The following SNTB2 variants were observed in gnomAD, a reference collection of about 807,000 sequenced individuals.
SNTB2 encodes the protein syntrophin beta 2.
SNTB2 carries 34 observed loss-of-function variants against 46.2 expected under a neutral mutation model. The observed-to-expected ratio is 0.74, with a 90% CI of 0.56 to 0.98. SNTB2 has a LOEUF of 0.98. Among genes scored for constraint, SNTB2 ranks in the 50% least tolerant of loss-of-function variants. SNTB2 has a pLI of 0.00. For synonymous variants in SNTB2, 290 were observed against 312.6 expected, an observed-to-expected ratio of 0.93 and a Z score of 0.76; for missense variants, 603 against 731.4, an observed-to-expected ratio of 0.82 and a Z score of 2.02.
chr16:69,202,326 T>C (rs1318251981), intron 1 of SNTB2, among the ~76,000 whole-genome samples: 1 of 150,852 alleles, frequency 6.6e-6, no homozygotes, highest in African/African-American at 2.5e-5. Flanking sequence ...ACATACATTC[T>C]TAGTTTATAA....
intron 5 of SNTB2, among the ~76,000 whole-genome samples, chr16:69,290,857 T>G (rs1965153670): frequency 6.6e-6 from 1 of 152,200 alleles, no homozygotes; most frequent in African/African-American, 2.4e-5. Context: ...GGGGCCTTTT[T>G]GGGCTCCAGA....
chr16:69,235,594 G>GA (rs1223875773), intron 1 of SNTB2: 1 of 766,700 alleles, frequency 1.3e-6, no homozygotes, highest in Non-Finnish European at 1.6e-6. Context: ...GGGGAGGGGG[G>GA]AACTAAAAGG....
intron 1 of SNTB2, among the ~76,000 whole-genome samples, chr16:69,192,862 C>G (rs1964068266): frequency 1.3e-5 from 2 of 152,042 alleles, no homozygotes; most frequent in Admixed American, 6.6e-5. Flanking sequence ...AAAATTCAAA[C>G]TTGGCTTTAT....
Position 69,254,290 on chromosome 16 carries a change from C to CA in SNTB2, c.795-5759dup, listed in dbSNP as rs1964752835. Among the ~76,000 whole-genome samples, 4 of 152,246 alleles carry CA rather than the reference C, an allele frequency of 2.6e-5. No individual in the cohort carries two copies. The South Asian group carries it at 8.3e-4, about 32-fold the overall frequency. ...AGAGTAAAGCTGCATGCTTTACTCT[C>CA]ACTTCCAGAGGTAACTGGTACCACC... On this transcript the variant is annotated intron_variant, in intron 2 of 6. Coordinates refer to ENST00000336278, the MANE Select transcript of SNTB2 (RefSeq NM_006750.4).
At chr16:69,210,383 A>G (rs1964270934) in intron 1 of SNTB2, among the ~76,000 whole-genome samples, 1 of 151,644 alleles carries the variant, frequency 6.6e-6, no homozygotes, top group South Asian at 2.1e-4. Context: ...GATTACAGGC[A>G]CGTGCTGCCA....
At chr16:69,289,250 C>T (rs1457472562) in intron 5 of SNTB2, among the ~76,000 whole-genome samples, 7 of 131,050 alleles carry the variant, frequency 5.3e-5, no homozygotes, top group African/African-American at 1.5e-4. Flanking sequence ...GCCTGGGCAA[C>T]GAGAGCTAAA....
Position 69,303,766 on chromosome 16 carries a change from A to C in SNTB2, c.*2842A>C, listed in dbSNP as rs558069183. 2.6e-5 allele frequency: 4 copies of C among 152,784 alleles called. No individual in the cohort carries two copies. Among genetic ancestry groups the C allele is most frequent in the African/African-American group, 9.6e-5 (4 of 41,574 alleles). The allele number at this position is 152,784 out of a possible 1,614,324, so 9.5% of individuals were successfully genotyped here. The stretch of plus-strand genomic sequence containing the variant: ...TCTAATGAATGGGACACCATGATAA[A>C]TATGTATTTATATTTAGATGCCAAA... On this transcript the variant is annotated 3_prime_UTR_variant, in exon 7 of 7. Coordinates refer to ENST00000336278, the MANE Select transcript of SNTB2 (RefSeq NM_006750.4).
chr16:69,293,892 T>C (rs1365277214), intron 5 of SNTB2, among the ~76,000 whole-genome samples: 3 of 152,224 alleles, frequency 2.0e-5, no homozygotes, highest in African/African-American at 7.2e-5. Context: ...ATCTTGGCTG[T>C]TGAAGTGGGC....
chr16:69,284,768 C>T (rs1028302078), intron 5 of SNTB2, among the ~76,000 whole-genome samples: 11 of 151,934 alleles, frequency 7.2e-5, no homozygotes, highest in Non-Finnish European at 1.3e-4. Flanking sequence ...AGTGAGACTC[C>T]GTCTCAAAAA....
chr16:69,254,278 AT>A (rs1964752697), intron 2 of SNTB2, among the ~76,000 whole-genome samples: 1 of 152,142 alleles, frequency 6.6e-6, no homozygotes, highest in Non-Finnish European at 1.5e-5. Flanking sequence ...GTAAAGCTGC[AT>A]GCTTTACTCT....
intron 5 of SNTB2, among the ~76,000 whole-genome samples, chr16:69,297,678 G>A (rs926707004): frequency 4.0e-5 from 6 of 151,316 alleles, no homozygotes; most frequent in Non-Finnish European, 8.8e-5. Context: ...TTGGGAGGCC[G>A]AGGTGGATGG....
At chr16:69,292,384 TATATATTATATA>T (rs1965173288) in intron 5 of SNTB2, among the ~76,000 whole-genome samples, 6 of 20,332 alleles carry the variant, frequency 3.0e-4, no homozygotes, top group Non-Finnish European at 3.9e-4. Flanking sequence ...ATATATTATA[TATATATTATATA>T]TATATATATA....
chr16:69,216,080 T>A (rs1007127976), intron 1 of SNTB2, among the ~76,000 whole-genome samples: 1 of 152,204 alleles, frequency 6.6e-6, no homozygotes, highest in Admixed American at 6.5e-5. Flanking sequence ...CCTCACAAAA[T>A]ACAGGGATTA....
intron 5 of SNTB2, among the ~76,000 whole-genome samples, chr16:69,287,534 C>T (rs1965115849): frequency 1.3e-5 from 2 of 152,046 alleles, no homozygotes. Context: ...TGCGCCACTG[C>T]ACTCCAAGCT....
intron 1 of SNTB2, among the ~76,000 whole-genome samples, chr16:69,212,920 A>C (rs1964303872): frequency 6.6e-6 from 1 of 152,272 alleles, no homozygotes; most frequent in African/African-American, 2.4e-5. Flanking sequence ...GGCGTGAGCC[A>C]CCTTGCCCAG....
chr16:69,204,927 T>C (rs1964198869), intron 1 of SNTB2, among the ~76,000 whole-genome samples: 2 of 152,218 alleles, frequency 1.3e-5, no homozygotes, highest in Admixed American at 1.3e-4. Flanking sequence ...TTCAGTAATG[T>C]TACTGCTGTG....
chr16:69,194,700 A>G (rs1964086489), intron 1 of SNTB2, among the ~76,000 whole-genome samples: 1 of 152,164 alleles, frequency 6.6e-6, no homozygotes, highest in Non-Finnish European at 1.5e-5. Context: ...CTATTTGGCC[A>G]GGCCTATATC....
At chr16:69,300,810 G>GC in intron 6 of SNTB2, 22 bp from the exon 7 acceptor site, 1 of 1,514,458 alleles carries the variant, frequency 6.6e-7, no homozygotes, top group Non-Finnish European at 9.2e-7. Flanking sequence ...AGGTAGTGAT[G>GC]CTTAGTGTCC....
At chr16:69,191,677 G>T (rs1252559322) in intron 1 of SNTB2, among the ~76,000 whole-genome samples, 2 of 151,268 alleles carry the variant, frequency 1.3e-5, no homozygotes, top group Admixed American at 1.3e-4. Context: ...GTCTCACTCT[G>T]TTGCCCAGGC....
Sources: gnomAD v4.1 joint callset for allele counts (sites outside exome capture counted in the v4.1 genomes callset) on GRCh38, gnomAD v4.1.1 for gene constraint, MANE v1.5 for transcripts, NCBI Gene and HGNC (gene_info 2026-07-23, HGNC 2026-07-21) for gene names.